The following NHSL1 variants were observed in gnomAD, a reference collection of about 807,000 sequenced individuals.
The protein encoded by NHSL1 is NHS-like protein 1.
In NHSL1, 48 loss-of-function variants were observed where a neutral mutation model predicts 95.0. The ratio of observed to expected loss-of-function variants is 0.51; its 90% CI spans 0.40 to 0.64. The LOEUF is 0.64. NHSL1 is among the 30% of genes least tolerant of loss of function. NHSL1 has a pLI of 0.00. For synonymous variants in NHSL1, 783 were observed against 833.9 expected (o/e 0.94, Z 1.05); for missense variants, 1,971 against 2,077.7 (o/e 0.95, Z 1.00).
intron 1 of NHSL1, among the ~76,000 whole-genome samples, chr6:138,634,779 T>C (rs1413507357): frequency 1.3e-5 from 2 of 149,906 alleles, no homozygotes; most frequent in African/African-American, 4.9e-5. Flanking sequence ...TACTCAAGGA[T>C]AGACCATATG....
rs572384982 is a variant in NHSL1, at chr6:138,649,296, A to G, written c.96+43180T>C. ...AAGGCAGAGAATACTCTCATTCCGT[A>G]TACCCTTTGTATTTAATAGCTTTAC... On this transcript the variant is annotated intron_variant, in intron 1 of 3. Transcript: ENST00000491526. Among the ~76,000 whole-genome samples the G allele has an allele frequency of 2.5e-4, 38 of 152,186 alleles. 1 individual carries two copies. In the South Asian group the frequency reaches 7.9e-3, roughly 32 times the overall value.
chr6:138,473,512 C>G, intron 2 of NHSL1, 79 bp from the exon 3 acceptor site: 1 of 1,288,602 alleles, frequency 7.8e-7, no homozygotes, highest in Non-Finnish European at 9.9e-7. Flanking sequence ...GTTTACTCCT[C>G]TTTTTTACTT....
At chr6:138,492,359 C>G (rs1780129320) in intron 2 of NHSL1, among the ~76,000 whole-genome samples, 1 of 152,182 alleles carries the variant, frequency 6.6e-6, no homozygotes. Flanking sequence ...TACCGTAAGA[C>G]AGTAAGCTTG....
intron 5 of NHSL1, among the ~76,000 whole-genome samples, chr6:138,439,202 T>C (rs1435614479): frequency 6.6e-6 from 1 of 152,206 alleles, no homozygotes; most frequent in East Asian, 1.9e-4. Context: ...CTGGTTAGAT[T>C]TTTTTAAAAA....
In NHSL1 at chr6:138,535,077, C is replaced by T. The variant is rs556713700; in HGVS notation, c.16+10546G>A. Among the ~76,000 whole-genome samples, 130 of 152,118 alleles carry T rather than the reference C, an allele frequency of 8.5e-4. 1 individual carries two copies. The highest frequency in any genetic ancestry group is 2.1e-3 in the South Asian group (10 of 4,792). On this transcript the variant is annotated intron_variant, in intron 1 of 4. Transcript: ENST00000342260. ...TTAAAGCAAAGGACTGGCACGATAT[C>T]GCTGGTCTTAAAAGATCTACTCTGG...
At chr6:138,589,906 C>T (rs1349869348) in intron 1 of NHSL1, among the ~76,000 whole-genome samples, 1 of 152,148 alleles carries the variant, frequency 6.6e-6, no homozygotes, top group African/African-American at 2.4e-5. Flanking sequence ...GGTCCCCAGC[C>T]ACCTCACAAA....
At chr6:138,532,439 G>A (rs1305535286) in intron 1 of NHSL1, among the ~76,000 whole-genome samples, 6 of 152,156 alleles carry the variant, frequency 3.9e-5, no homozygotes, top group African/African-American at 1.2e-4. Context: ...TAGGATCCGT[G>A]AGTCAGGAGC....
intron 7 of NHSL1, among the ~76,000 whole-genome samples, chr6:138,429,387 C>T (rs927951519): frequency 6.6e-6 from 1 of 152,208 alleles, no homozygotes; most frequent in African/African-American, 2.4e-5. Flanking sequence ...ACTGCACTGT[C>T]AGTCACTTTA....
chr6:138,622,286 A>G (rs1302583003), intron 1 of NHSL1, among the ~76,000 whole-genome samples: 1 of 151,838 alleles, frequency 6.6e-6, no homozygotes, highest in Non-Finnish European at 1.5e-5. Flanking sequence ...GTGGATCACG[A>G]GGTCAGGAGA....
rs757006189 is a variant in NHSL1, at chr6:138,433,531, C to A, written c.814G>T (p.Val272Leu). 1.3e-6 allele frequency: 2 copies of A among 1,551,986 alleles called. No homozygotes were observed. Among genetic ancestry groups the A allele is most frequent in the Non-Finnish European group, 1.7e-6 (2 of 1,147,058 alleles). The change falls in exon 6 of 8, where the codon GTA (valine) becomes TTA (leucine). Residue 272 changes from valine (V) to leucine (L), a missense_variant. Physicochemically the swap from Val to Leu is conservative, Grantham distance 32. This residue lies in a region of NHSL1 where 1,602 missense variants were observed against 1,654.5 expected (regional missense o/e 0.97). Transcript: ENST00000343505. Reference sequence around the variant, plus strand: ...CTGATTCTCCTCATGGAAGGTGGTACGACCTTCACATCCTCCGTCTGACAG... The same window carrying A: ...CTGATTCTCCTCATGGAAGGTGGTAAGACCTTCACATCCTCCGTCTGACAG... Reference protein sequence around the residue: ...SSCQTEDVKVVPPSMRRIRAQ... With the variant: ...SSCQTEDVKVLPPSMRRIRAQ...
chr6:138,446,798 T>C (rs185300332), intron 4 of NHSL1: 3 of 566,322 alleles, frequency 5.3e-6, no homozygotes, highest in South Asian at 2.3e-5. Flanking sequence ...TTTGGCGACA[T>C]AGTCTTCGAA....
At chr6:138,624,815 G>A (rs975857080) in intron 1 of NHSL1, among the ~76,000 whole-genome samples, 1 of 152,084 alleles carries the variant, frequency 6.6e-6, no homozygotes, top group Non-Finnish European at 1.5e-5. Context: ...CAAAAGCTTT[G>A]GTAGACCCTT....
intron 3 of NHSL1, among the ~76,000 whole-genome samples, chr6:138,452,695 T>G (rs1461764564): frequency 6.6e-6 from 1 of 152,194 alleles, no homozygotes; most frequent in African/African-American, 2.4e-5. Flanking sequence ...TGACTCTTGG[T>G]TTTCAAGATC....
At chr6:138,530,946 T>G (rs1276794349) in intron 1 of NHSL1, among the ~76,000 whole-genome samples, 2 of 152,046 alleles carry the variant, frequency 1.3e-5, no homozygotes, top group Admixed American at 6.6e-5. Flanking sequence ...TGTTCAATAG[T>G]TTTTGACTAT....
At chr6:138,439,634 C>T (rs769489550) in intron 5 of NHSL1, among the ~76,000 whole-genome samples, 1 of 152,144 alleles carries the variant, frequency 6.6e-6, no homozygotes, top group Non-Finnish European at 1.5e-5. Flanking sequence ...TCTATAAAAC[C>T]ACAGTCCTTG....
At chr6:138,656,401 T>C (rs1389310840) in intron 1 of NHSL1, among the ~76,000 whole-genome samples, 1 of 152,208 alleles carries the variant, frequency 6.6e-6, no homozygotes, top group Admixed American at 6.5e-5. Flanking sequence ...TAAGATGTTG[T>C]TTTGGCTGTA....
intron 1 of NHSL1, among the ~76,000 whole-genome samples, chr6:138,642,741 G>T (rs1015500624): frequency 6.6e-5 from 10 of 152,106 alleles, no homozygotes; most frequent in Non-Finnish European, 5.9e-5. Context: ...AGTGAAGAGG[G>T]CGAGCAGCAG....
chr6:138,479,018 C>T (rs1356641631), intron 2 of NHSL1, among the ~76,000 whole-genome samples: 2 of 152,176 alleles, frequency 1.3e-5, no homozygotes, highest in Non-Finnish European at 2.9e-5. Flanking sequence ...TTAAGCTATT[C>T]TTTAGTCATT....
rs571227748 is a variant in NHSL1, at chr6:138,445,708, T to C, written c.532+1293A>G. ...GCCCCTTACAAGCTCACCAGTGCCATGGCAAAAAGCTTTCTAAAGCTTTCT... is the reference window on the plus strand; with the variant it reads ...GCCCCTTACAAGCTCACCAGTGCCACGGCAAAAAGCTTTCTAAAGCTTTCT... On this transcript the variant is annotated intron_variant, in intron 4 of 7. Transcript: ENST00000343505. Among the ~76,000 whole-genome samples, 13 of 152,352 alleles carry C rather than the reference T, an allele frequency of 8.5e-5. No individual in the cohort carries two copies. The East Asian group carries it at 2.5e-3, about 29-fold the overall frequency.
Sources: gnomAD v4.1 joint callset for allele counts (sites outside exome capture counted in the v4.1 genomes callset) on GRCh38, gnomAD v4.1.1 for gene constraint, gnomAD v4.1.1 regional missense constraint, MANE v1.5 for transcripts, NCBI Gene and HGNC (gene_info 2026-07-23, HGNC 2026-07-21) for gene names.